Variants in PPIE observed in about 807,000 individuals in gnomAD.
PPIE encodes the protein peptidylprolyl isomerase E.
PPIE carries 20 observed loss-of-function variants against 38.4 expected under a neutral mutation model. The ratio of observed to expected loss-of-function variants is 0.52; its 90% CI spans 0.37 to 0.76. The LOEUF is 0.76. Among genes scored for constraint, PPIE ranks in the 30% least tolerant of loss-of-function variants. The probability of loss-of-function intolerance (pLI) is 0.00; values close to 1 mark genes in which losing one functional copy is unlikely to be tolerated. For missense variants in PPIE, 322 were observed against 385.8 expected, an observed-to-expected ratio of 0.83 and a Z score of 1.39; for synonymous variants, 142 against 135.7, an observed-to-expected ratio of 1.05 and a Z score of -0.32.
chr1:39,762,996 C>G, intron 9 of PPIE: 1 of 1,430,756 alleles, frequency 7.0e-7, no homozygotes, highest in African/African-American at 1.4e-5. Context: ...AGACGCGGAG[C>G]AGGTGGCCTC....
In PPIE at chr1:39,753,677, G is replaced by A; in HGVS notation, c.*322G>A. On this transcript the variant is annotated 3_prime_UTR_variant, in exon 10 of 10. Coordinates refer to ENST00000324379, the MANE Select transcript of PPIE (RefSeq NM_006112.4). ...AGTGTGGCTCTTACGTGTTTTCTTT[G>A]CTAAAATAAACCCTAGTTCTTATAT... The A allele has an allele frequency of 8.8e-7, 1 of 1,140,064 alleles. No homozygotes were observed. Among genetic ancestry groups the A allele is most frequent in the Non-Finnish European group, 1.1e-6 (1 of 927,980 alleles). The allele number at this position is 1,140,064 out of a possible 1,614,324, so 70.6% of individuals were successfully genotyped here.
rs998607623 is a variant in PPIE, at chr1:39,756,319, G to A, written c.*2964G>A. 2.0e-6 allele frequency: 2 copies of A among 985,332 alleles called. No individual in the cohort carries two copies. The highest frequency in any genetic ancestry group is 3.5e-5 in the African/African-American group (2 of 57,240). The allele number at this position is 985,332 out of a possible 1,614,324, so 61.0% of individuals were successfully genotyped here. ...ATTCCACATTCCCATTGCTGGACCA[G>A]CACCAGGACTGGGCACAGGGCTTCC... On this transcript the variant is annotated 3_prime_UTR_variant, in exon 10 of 10. Transcript: ENST00000324379.
chr1:39,755,686 C>G lies in PPIE; in HGVS notation c.*2331C>G. 1 of 985,396 alleles carries G rather than the reference C, an allele frequency of 1.0e-6. No individual in the cohort carries two copies. Among genetic ancestry groups the G allele is most frequent in the Non-Finnish European group, 1.2e-6 (1 of 829,930 alleles). The allele number at this position is 985,396 out of a possible 1,614,324, so 61.0% of individuals were successfully genotyped here. ...CCTGTGACAACCTTGTCACTCTGTT[C>G]CTCCCTGATACTCTGGGGAGGTGGA... On this transcript the variant is annotated 3_prime_UTR_variant, in exon 10 of 10. Coordinates refer to ENST00000324379, the MANE Select transcript of PPIE (RefSeq NM_006112.4).
chr1:39,742,513 T>TTA (rs1553122724), intron 4 of PPIE: 3 of 146,616 alleles, frequency 2.0e-5, no homozygotes, highest in African/African-American at 5.2e-5. Context: ...TTTTTTTTTT[T>TTA]AACAATCTTG....
chr1:39,745,204 C>T (rs981240617), intron 6 of PPIE, among the ~76,000 whole-genome samples, 171 bp from the exon 7 acceptor site: 3 of 152,224 alleles, frequency 2.0e-5, no homozygotes, highest in African/African-American at 7.2e-5. Context: ...CTGGGTGCTA[C>T]GGCCATGGCT....
In PPIE at chr1:39,756,667, T is replaced by C. The variant is rs1047091121; in HGVS notation, c.*3312T>C. 1.5e-5 allele frequency: 14 copies of C among 934,326 alleles called. No homozygotes were observed. Among genetic ancestry groups the C allele is most frequent in the Non-Finnish European group, 1.8e-5 (14 of 783,496 alleles). The allele number at this position is 934,326 out of a possible 1,614,324, so 57.9% of individuals were successfully genotyped here. A position where few individuals can be genotyped will look rare whatever the true frequency, so the allele number is the denominator to read the frequency against. Reference sequence around the variant, plus strand: ...GCACATCACAAAGAAACATATATAGTACAGTGTGATCCCAATTTTGTAAAA... The same window carrying C: ...GCACATCACAAAGAAACATATATAGCACAGTGTGATCCCAATTTTGTAAAA... On this transcript the variant is annotated 3_prime_UTR_variant, in exon 10 of 10. Coordinates refer to ENST00000324379, the MANE Select transcript of PPIE (RefSeq NM_006112.4).
chr1:39,763,182 T>C (rs1649255561), intron 9 of PPIE: 1 of 1,613,468 alleles, frequency 6.2e-7, no homozygotes, highest in Non-Finnish European at 8.5e-7. Context: ...CCGAGTAGCC[T>C]TGGGGAGCGA....
intron 9 of PPIE, chr1:39,762,954 GACGTT>G: frequency 2.7e-6 from 3 of 1,097,712 alleles, no homozygotes; most frequent in Non-Finnish European, 4.0e-6. Flanking sequence ...GGAAGTTAGC[GACGTT>G]ACTGACTGTG....
At chr1:39,743,644 G>A (rs1647117628) in intron 5 of PPIE, among the ~76,000 whole-genome samples, 180 bp from the exon 6 acceptor site, 1 of 152,194 alleles carries the variant, frequency 6.6e-6, no homozygotes, top group Admixed American at 6.5e-5. Context: ...TAGCCCTACT[G>A]AGAGCTGGAC....
Position 39,738,941 on chromosome 1 carries a change from AG to A in PPIE, c.31+14del. On this transcript the variant is annotated intron_variant, in intron 1 of 9. Transcript: ENST00000324379. ...CGCGTCTTGTACGTGGGTGAGCAGGAGGGGTTGCTAGGCGGAGTCTGAGTGA... is the reference window on the plus strand; with the variant it reads ...CGCGTCTTGTACGTGGGTGAGCAGGAGGGTTGCTAGGCGGAGTCTGAGTGA... 6.8e-7 allele frequency: 1 copy of A among 1,470,976 alleles called. No individual in the cohort carries two copies. Among genetic ancestry groups the A allele is most frequent in the South Asian group, 1.4e-5 (1 of 70,450 alleles). 91.1% of individuals were successfully genotyped at this position (1,470,976 alleles called of 1,614,324 possible).
At chr1:39,743,801 T>G in intron 5 of PPIE, 23 bp from the exon 6 acceptor site, 2 of 1,582,586 alleles carry the variant, frequency 1.3e-6, no homozygotes, top group Non-Finnish European at 1.7e-6. Flanking sequence ...TGAATGAACA[T>G]TTGTTTGATT....
chr1:39,763,727 C>T, exon 10 of PPIE: 1 of 1,602,322 alleles, frequency 6.2e-7, no homozygotes, highest in Non-Finnish European at 8.5e-7. Context: ...AGCCGAGGTC[C>T]TGGAAGCTGA....
intron 3 of PPIE, 21 bp downstream of exon 3, chr1:39,741,430 T>C: frequency 1.2e-6 from 2 of 1,612,144 alleles, no homozygotes; most frequent in Non-Finnish European, 1.7e-6. Context: ...GTGTTACTAG[T>C]GTCTAGTCCT....
chr1:39,749,593 C>T (rs1647494552), intron 8 of PPIE, among the ~76,000 whole-genome samples: 1 of 152,168 alleles, frequency 6.6e-6, no homozygotes, highest in Non-Finnish European at 1.5e-5. Flanking sequence ...CTCATATCAT[C>T]ACCTTCCCAC....
chr1:39,759,550 G>C (rs552379887), downstream of PPIE: 1 of 152,386 alleles, frequency 6.6e-6, no homozygotes, highest in South Asian at 2.1e-4. Flanking sequence ...AGAGGGGAAA[G>C]GGAAATGATG....
At chr1:39,759,136 G>C (rs1028978059), downstream of PPIE, 5 of 152,274 alleles carry the variant, frequency 3.3e-5, no homozygotes, top group African/African-American at 1.2e-4. Context: ...AACTCCCAGT[G>C]GCTGCTCCAA....
downstream of PPIE, chr1:39,760,344 GT>G: frequency 1.3e-6 from 2 of 1,593,796 alleles, no homozygotes; most frequent in South Asian, 1.1e-5. Flanking sequence ...GTCTGGCTGG[GT>G]TTGAGGGTTT....
chr1:39,740,301 A>C (rs761333819), intron 2 of PPIE, 38 bp downstream of exon 2: 2 of 1,514,502 alleles, frequency 1.3e-6, no homozygotes, highest in African/African-American at 1.4e-5. Context: ...TCCTCTTACT[A>C]GGAAAATACC....
chr1:39,762,592 A>G (rs1271693591), intron 9 of PPIE: 4 of 1,549,954 alleles, frequency 2.6e-6, no homozygotes, highest in Non-Finnish European at 3.5e-6. Flanking sequence ...AAACTGGGGG[A>G]AAAGCCAAAA....
Sources: gnomAD v4.1 joint callset for allele counts (sites outside exome capture counted in the v4.1 genomes callset) on GRCh38, gnomAD v4.1.1 for gene constraint, MANE v1.5 for transcripts, NCBI Gene and HGNC (gene_info 2026-07-23, HGNC 2026-07-21) for gene names.